SOX6: variants seen among roughly 807,000 people sequenced by gnomAD.
The protein encoded by SOX6 is transcription factor SOX-6.
A neutral mutation model predicts 97.8 loss-of-function variants in SOX6; 11 were observed. The observed-to-expected ratio is 0.11, with a 90% CI of 0.07 to 0.19. The LOEUF is 0.19. SOX6 is among the 10% of genes least tolerant of loss of function. The pLI is 1.00. For missense variants in SOX6, 810 were observed against 1,039.5 expected (o/e 0.78, Z 3.04); for synonymous variants, 360 against 371.4 (o/e 0.97, Z 0.35).
At chr11:16,614,912 G>A (rs992208607) in intron 3 of SOX6, among the ~76,000 whole-genome samples, 3 of 152,124 alleles carry the variant, frequency 2.0e-5, no homozygotes, top group South Asian at 2.1e-4. Context: ...GACTTTGGCC[G>A]TGCCCATTCA....
At chr11:16,249,096 C>CGA (rs34640986) in intron 3 of SOX6, among the ~76,000 whole-genome samples, 115 of 146,644 alleles carry the variant, frequency 7.8e-4, no homozygotes, top group Middle Eastern at 3.5e-3. Flanking sequence ...GGCTCTGTCT[C>CGA]AAAAAAAAAA....
At chr11:16,729,691 C>T (rs1279440946) in intron 2 of SOX6, among the ~76,000 whole-genome samples, 1 of 152,086 alleles carries the variant, frequency 6.6e-6, no homozygotes, top group Non-Finnish European at 1.5e-5. Flanking sequence ...AAATAAACAG[C>T]TAACATCATA....
intron 5 of SOX6, 85 bp from the exon 6 acceptor site, chr11:16,184,039 A>C: frequency 8.4e-7 from 1 of 1,187,298 alleles, no homozygotes; most frequent in Non-Finnish European, 1.2e-6. Flanking sequence ...GTATTACAAC[A>C]ATCTTTTACC....
chr11:16,019,178 C>T (rs1590134008), intron 12 of SOX6, among the ~76,000 whole-genome samples: 1 of 152,054 alleles, frequency 6.6e-6, no homozygotes. Flanking sequence ...GTGTACCAGG[C>T]CTCAAATTAT....
intron 4 of SOX6, among the ~76,000 whole-genome samples, chr11:16,586,182 T>G (rs535099593): frequency 1.3e-5 from 2 of 152,272 alleles, no homozygotes; most frequent in East Asian, 3.9e-4. Flanking sequence ...CACTGTCTAC[T>G]GCAATAAATC....
chr11:16,188,810 C>G (rs998863211), intron 4 of SOX6, among the ~76,000 whole-genome samples: 6 of 152,032 alleles, frequency 3.9e-5, no homozygotes, highest in Non-Finnish European at 5.9e-5. Flanking sequence ...ATGTCTGTAT[C>G]CTAGCACTTT....
chr11:16,678,839 T>C (rs533817287), intron 3 of SOX6, among the ~76,000 whole-genome samples: 157 of 152,218 alleles, frequency 1.0e-3, no homozygotes, highest in African/African-American at 3.4e-3. Flanking sequence ...CCACAGAGCC[T>C]TGCTCACTGC....
intron 4 of SOX6, among the ~76,000 whole-genome samples, chr11:16,596,303 C>T (rs556302132): frequency 6.6e-6 from 1 of 152,172 alleles, no homozygotes; most frequent in Non-Finnish European, 1.5e-5. Context: ...TCCTCTGTAC[C>T]TTAAAATGCA....
intron 13 of SOX6, among the ~76,000 whole-genome samples, chr11:16,007,635 CATT>C (rs1343904575): frequency 6.6e-6 from 1 of 152,090 alleles, no homozygotes; most frequent in Non-Finnish European, 1.5e-5. Flanking sequence ...GCTTGATGCT[CATT>C]AAATCCCATT....
At chr11:16,059,842 G>C (rs1847903308) in intron 9 of SOX6, among the ~76,000 whole-genome samples, 1 of 151,834 alleles carries the variant, frequency 6.6e-6, no homozygotes, top group African/African-American at 2.4e-5. Context: ...CTTCAAAATG[G>C]GGACAGGTCA....
chr11:15,979,061 A>G (rs1853588276), intron 15 of SOX6, among the ~76,000 whole-genome samples: 1 of 141,122 alleles, frequency 7.1e-6, no homozygotes, highest in African/African-American at 2.6e-5. Flanking sequence ...ATATATATAT[A>G]TATAAAACTG....
chr11:16,427,811 G>A (rs1859178848), intron 1 of SOX6, among the ~76,000 whole-genome samples: 1 of 152,138 alleles, frequency 6.6e-6, no homozygotes, highest in South Asian at 2.1e-4. Flanking sequence ...TGTCTTTATA[G>A]CAGCATGATT....
At chr11:16,560,991 A>T (rs1847808713) in intron 4 of SOX6, among the ~76,000 whole-genome samples, 1 of 152,086 alleles carries the variant, frequency 6.6e-6, no homozygotes, top group Non-Finnish European at 1.5e-5. Flanking sequence ...TCGGGTGAGG[A>T]ATAAAGGACT....
intron 4 of SOX6, among the ~76,000 whole-genome samples, chr11:16,499,002 A>G (rs1037985069): frequency 1.3e-5 from 2 of 152,246 alleles, no homozygotes; most frequent in Non-Finnish European, 2.9e-5. Context: ...TCAACAGAAT[A>G]TACATGCTTT....
chr11:16,639,680 G>C (rs1848861029), intron 3 of SOX6, among the ~76,000 whole-genome samples: 1 of 152,146 alleles, frequency 6.6e-6, no homozygotes, highest in Non-Finnish European at 1.5e-5. Context: ...TGAAGCAATT[G>C]TGAATGGGTG....
intron 4 of SOX6, among the ~76,000 whole-genome samples, chr11:16,497,471 G>A (rs11529582): frequency 0.22 from 33,475 of 152,012 alleles, 4,184 homozygotes; most frequent in East Asian, 0.51. Flanking sequence ...GACAGAGAAT[G>A]ACTTTGATAA....
chr11:16,616,416 A>G (rs908330049), intron 3 of SOX6, among the ~76,000 whole-genome samples: 1 of 152,122 alleles, frequency 6.6e-6, no homozygotes, highest in African/African-American at 2.4e-5. Flanking sequence ...AAAATTTGTT[A>G]CTTAAAAATC....
intron 4 of SOX6, among the ~76,000 whole-genome samples, chr11:16,491,404 A>T (rs1303555190): frequency 6.6e-6 from 1 of 152,164 alleles, no homozygotes; most frequent in East Asian, 1.9e-4. Context: ...CAGCTACACT[A>T]TGTCATGGAT....
chr11:16,425,806 A>T (rs967876973), intron 1 of SOX6, among the ~76,000 whole-genome samples: 1 of 152,198 alleles, frequency 6.6e-6, no homozygotes. Flanking sequence ...TGCTCACAGA[A>T]ATCAGAGATG....
Sources: gnomAD v4.1 joint callset for allele counts (sites outside exome capture counted in the v4.1 genomes callset) on GRCh38, gnomAD v4.1.1 for gene constraint, MANE v1.5 for transcripts, NCBI Gene and HGNC (gene_info 2026-07-23, HGNC 2026-07-21) for gene names.